The following RBFOX1 variants were observed in gnomAD, a reference collection of about 807,000 sequenced individuals.
The protein encoded by RBFOX1 is RNA binding fox-1 homolog 1.
In RBFOX1, 8 loss-of-function variants were observed where a neutral mutation model predicts 57.7. The ratio of observed to expected loss-of-function variants is 0.14; its 90% CI spans 0.08 to 0.25. RBFOX1 has a LOEUF of 0.25. RBFOX1 is among the 10% of genes least tolerant of loss of function. The pLI is 1.00. For synonymous variants in RBFOX1, 326 were observed against 222.4 expected (o/e 1.47, Z -4.15); for missense variants, 611 against 548.5 (o/e 1.11, Z -1.14).
rs546305718 is a variant in RBFOX1 at position 5,425,737 on chromosome 16, C to T, written c.220-41479C>T. Among the ~76,000 whole-genome samples, 398 of 152,212 alleles carry T rather than the reference C, an allele frequency of 2.6e-3. 1 individual carries two copies. The highest frequency in any genetic ancestry group is 9.2e-3 in the African/African-American group (383 of 41,534). On this transcript the variant is annotated intron_variant, in intron 1 of 2. Transcript: ENST00000585867. ...TCTTTCATGGAGCAAGACCCATGCACCTGCTGGTCCACACTGTCCTCAGGT... is the reference window on the plus strand; with the variant it reads ...TCTTTCATGGAGCAAGACCCATGCATCTGCTGGTCCACACTGTCCTCAGGT...
In RBFOX1 at chr16:5,355,462, G is replaced by T. The variant is rs551086821; in HGVS notation, c.220-111754G>T. On this transcript the variant is annotated intron_variant, in intron 1 of 2. Coordinates refer to the RBFOX1 transcript ENST00000585867. ...GGTGTCAAGGTCAATGTCTGGGTCA[G>T]GAGGCACCTTTGCTGGCTCAAGGCC... is the stretch of plus-strand genomic sequence containing the variant. 4.6e-5 allele frequency among the ~76,000 whole-genome samples: 7 copies of T among 152,322 alleles called. No homozygotes were observed. The South Asian group carries it at 1.5e-3, about 32-fold the overall frequency.
intron 2 of RBFOX1, among the ~76,000 whole-genome samples, chr16:6,374,005 A>G (rs898889156): frequency 1.3e-5 from 2 of 152,202 alleles, no homozygotes; most frequent in Non-Finnish European, 2.9e-5. Context: ...CATAGTGCTC[A>G]GCTTGGCGTA....
At chr16:7,134,779 C>A (rs1600567256) in intron 4 of RBFOX1, among the ~76,000 whole-genome samples, 1 of 152,178 alleles carries the variant, frequency 6.6e-6, no homozygotes, top group Admixed American at 6.5e-5. Flanking sequence ...AATTTGCAAA[C>A]AGGCTTCTGA....
chr16:6,842,174 A>G (rs2093507856), intron 3 of RBFOX1, among the ~76,000 whole-genome samples: 1 of 151,568 alleles, frequency 6.6e-6, no homozygotes, highest in Admixed American at 6.6e-5. Flanking sequence ...AAATAAATAA[A>G]TAAATAAATA....
At chr16:6,731,783 T>C (rs2068673459) in intron 3 of RBFOX1, among the ~76,000 whole-genome samples, 1 of 152,114 alleles carries the variant, frequency 6.6e-6, no homozygotes, top group Non-Finnish European at 1.5e-5. Context: ...AATTTCTCCA[T>C]TTCTCCCTTC....
chr16:6,252,915 A>G (rs982952481), intron 1 of RBFOX1, among the ~76,000 whole-genome samples: 3 of 152,182 alleles, frequency 2.0e-5, no homozygotes, highest in African/African-American at 7.2e-5. Flanking sequence ...AAGAACAACA[A>G]TGTATTGTGT....
chr16:6,314,812 C>A, intron 1 of RBFOX1, among the ~76,000 whole-genome samples: 1 of 152,172 alleles, frequency 6.6e-6, no homozygotes, highest in Middle Eastern at 3.2e-3. Flanking sequence ...CTCAGATAAT[C>A]CTGCATTGGA....
At chr16:6,221,142 G>A (rs1216437078) in intron 1 of RBFOX1, among the ~76,000 whole-genome samples, 2 of 152,100 alleles carry the variant, frequency 1.3e-5, no homozygotes, top group African/African-American at 4.8e-5. Context: ...TAGGGAAATG[G>A]AAATATCTTG....
At chr16:7,156,799 C>T (rs542387669) in intron 4 of RBFOX1, among the ~76,000 whole-genome samples, 2 of 152,276 alleles carry the variant, frequency 1.3e-5, no homozygotes, top group African/African-American at 4.8e-5. Context: ...ACTTCTATCT[C>T]TCTGTACTTG....
At chr16:6,985,871 T>G (rs1163017653) in intron 3 of RBFOX1, among the ~76,000 whole-genome samples, 2 of 150,300 alleles carry the variant, frequency 1.3e-5, no homozygotes, top group Admixed American at 6.6e-5. Context: ...TCTTTTTTCT[T>G]TTTCTTTTCT....
At chr16:5,867,345 G>C (rs946720005) in intron 4 of RBFOX1, 49 of 1,199,020 alleles carry the variant, frequency 4.1e-5, no homozygotes, top group Non-Finnish European at 3.2e-5. Flanking sequence ...GGTAGGAAAC[G>C]TGGTTTTTCT....
chr16:7,274,615 G>A (rs1444387505), intron 4 of RBFOX1, among the ~76,000 whole-genome samples: 1 of 151,668 alleles, frequency 6.6e-6, no homozygotes, highest in Admixed American at 6.6e-5. Flanking sequence ...TTGAAGGGTT[G>A]GATGAGGTCA....
intron 4 of RBFOX1, among the ~76,000 whole-genome samples, chr16:7,215,817 C>CG (rs2091941036): frequency 6.7e-6 from 1 of 150,288 alleles, no homozygotes; most frequent in Non-Finnish European, 1.5e-5. Flanking sequence ...CTCTGCCTCT[C>CG]GGGTTCACGC....
intron 3 of RBFOX1, among the ~76,000 whole-genome samples, chr16:6,943,496 C>G (rs1017203799): frequency 6.6e-6 from 1 of 152,068 alleles, no homozygotes; most frequent in Non-Finnish European, 1.5e-5. Context: ...ATCACAAGGT[C>G]AGGAGATTGA....
intron 3 of RBFOX1, among the ~76,000 whole-genome samples, chr16:5,820,787 A>T (rs2055821137): frequency 6.6e-6 from 1 of 152,166 alleles, no homozygotes; most frequent in Admixed American, 6.5e-5. Context: ...TAAGACGATC[A>T]GACAGTTAGA....
intron 4 of RBFOX1, among the ~76,000 whole-genome samples, chr16:5,973,049 A>G (rs979419851): frequency 2.0e-5 from 3 of 152,200 alleles, no homozygotes; most frequent in Admixed American, 6.5e-5. Context: ...CCTGAGATGT[A>G]CCAAAGGTGT....
intron 2 of RBFOX1, among the ~76,000 whole-genome samples, chr16:6,529,978 C>T (rs17140520): frequency 0.35 from 52,835 of 151,936 alleles, 9,445 homozygotes; most frequent in East Asian, 0.45. Context: ...TTTCTGGTCC[C>T]TTTTGGTTAT....
intron 2 of RBFOX1, among the ~76,000 whole-genome samples, chr16:5,541,459 A>G (rs2044948546): frequency 6.6e-6 from 1 of 152,112 alleles, no homozygotes; most frequent in African/African-American, 2.4e-5. Flanking sequence ...TAAGATGTAC[A>G]TTGATTCCTT....
chr16:5,613,909 T>C (rs188525944), intron 3 of RBFOX1, among the ~76,000 whole-genome samples: 4 of 147,244 alleles, frequency 2.7e-5, no homozygotes, highest in African/African-American at 1.1e-4. Flanking sequence ...TTTCCTCCTG[T>C]AGAATTTCCT....
Sources: allele counts gnomAD v4.1 joint callset (sites outside exome capture counted in the v4.1 genomes callset), GRCh38; gene constraint gnomAD v4.1.1; transcripts MANE v1.5; gene names NCBI Gene and HGNC (gene_info 2026-07-23, HGNC 2026-07-21).